UVSSA: variants seen among roughly 807,000 people sequenced by gnomAD.
UVSSA encodes the protein UV stimulated scaffold protein A.
UVSSA carries 72 observed loss-of-function variants against 73.9 expected under a neutral mutation model. The observed-to-expected ratio is 0.97, with a 90% CI of 0.81 to 1.19. The LOEUF (loss-of-function observed/expected upper bound fraction) is 1.19, where lower values mean the gene tolerates loss of function less well. Among genes scored for constraint, UVSSA ranks in the 50% most tolerant of loss-of-function variants. UVSSA has a pLI of 0.00. For missense variants in UVSSA, 1,150 were observed against 965.0 expected (o/e 1.19, Z -2.54); for synonymous variants, 454 against 391.3 (o/e 1.16, Z -1.89).
At chr4:1,388,664 C>G (rs571086532), downstream of UVSSA, 1 of 152,328 alleles carries the variant, frequency 6.6e-6, no homozygotes, top group African/African-American at 2.4e-5. Flanking sequence ...GTGTTTTTGT[C>G]ATAAAGTATT....
chr4:1,358,105 C>T (rs1315438249), intron 7 of UVSSA: 1 of 152,806 alleles, frequency 6.5e-6, no homozygotes, highest in Non-Finnish European at 1.5e-5. Flanking sequence ...AGGCAGCCAC[C>T]CTGACCCAGC....
At chr4:1,363,702 T>C (rs530962515) in intron 7 of UVSSA, among the ~76,000 whole-genome samples, 14 of 152,374 alleles carry the variant, frequency 9.2e-5, no homozygotes, top group African/African-American at 3.1e-4. Flanking sequence ...CTTGTTGTTA[T>C]TCAGACGTGA....
rs1233381671 is a variant in UVSSA, at chr4:1,376,018, C to G, written c.1434-16C>G. ...CACCAGCAGCACCGTCAGGCTGTCC[C>G]ACTCTGCTCCTGTAGCCCCTCCAGA... On this transcript the variant is annotated splice_polypyrimidine_tract_variant and intron_variant, in intron 9 of 13. Coordinates refer to ENST00000389851, the MANE Select transcript of UVSSA (RefSeq NM_020894.4). The G allele has an allele frequency of 6.3e-7, 1 of 1,582,828 alleles. No homozygotes were observed. Among genetic ancestry groups the G allele is most frequent in the Non-Finnish European group, 8.6e-7 (1 of 1,166,472 alleles).
chr4:1,378,778 C>T (rs979302616), intron 10 of UVSSA, among the ~76,000 whole-genome samples: 6 of 152,216 alleles, frequency 3.9e-5, no homozygotes, highest in African/African-American at 2.4e-5. Context: ...GCCGGGCGGT[C>T]AGGCACCCTC....
chr4:1,360,775 G>A (rs1216795891), intron 7 of UVSSA, among the ~76,000 whole-genome samples: 1 of 152,220 alleles, frequency 6.6e-6, no homozygotes, highest in Non-Finnish European at 1.5e-5. Flanking sequence ...GCAGAGCTCG[G>A]GGGCAGGAGC....
intron 8 of UVSSA, among the ~76,000 whole-genome samples, chr4:1,368,197 A>C (rs545430833): frequency 6.6e-6 from 1 of 152,230 alleles, no homozygotes; most frequent in East Asian, 1.9e-4. Context: ...GGGAGCTGGC[A>C]CTGACCCTTG....
At chr4:1,375,778 G>T (rs913799266) in intron 9 of UVSSA, among the ~76,000 whole-genome samples, 1 of 152,252 alleles carries the variant, frequency 6.6e-6, no homozygotes, top group Non-Finnish European at 1.5e-5. Flanking sequence ...CAGGGCTGGG[G>T]TTTGAGAGGC....
At chr4:1,375,580 G>A (rs926581773) in intron 9 of UVSSA, 72 bp downstream of exon 9, 55 of 1,543,890 alleles carry the variant, frequency 3.6e-5, no homozygotes, top group Middle Eastern at 4.0e-4. Context: ...AGCACTGGCC[G>A]GCCTCGAGAG....
intron 11 of UVSSA, 103 bp downstream of exon 11, chr4:1,380,333 T>C (rs1286537944): frequency 1.5e-6 from 2 of 1,374,202 alleles, no homozygotes; most frequent in Non-Finnish European, 1.9e-6. Flanking sequence ...TCAGGGTGCT[T>C]GTGAGCACTG....
intron 8 of UVSSA, among the ~76,000 whole-genome samples, chr4:1,374,318 TC>T (rs1718485793): frequency 6.6e-6 from 1 of 152,158 alleles, no homozygotes; most frequent in Non-Finnish European, 1.5e-5. Context: ...CCTCCTGCCA[TC>T]CCGACGCCTC....
In UVSSA at chr4:1,349,597, C is replaced by T. The variant is rs1282434867; in HGVS notation, c.172C>T (p.Arg58Cys). 14 of 1,614,022 alleles carry T rather than the reference C, an allele frequency of 8.7e-6. No homozygotes were observed. The highest frequency in any genetic ancestry group is 1.3e-5 in the African/African-American group (1 of 74,930). The stretch of plus-strand genomic sequence containing the variant: ...GCTGACCCAGGAGCACGCCGAGATC[C>T]GTCTCTCAGCCTTCCAGATTGTGGA... Reference protein sequence around the residue: ...AQLTQEHAEIRLSAFQIVEEL... With the variant: ...AQLTQEHAEICLSAFQIVEEL... Residue 58 changes from arginine to cysteine, a missense_variant, in exon 3 of 14, where the codon CGT (arginine) becomes TGT (cysteine). Physicochemically the swap from Arg to Cys is radical, Grantham distance 180. Transcript: ENST00000389851.
downstream of UVSSA, chr4:1,390,605 C>G (rs1394880789): frequency 3.3e-5 from 5 of 152,238 alleles, no homozygotes; most frequent in Non-Finnish European, 7.3e-5. Flanking sequence ...TCTTATTTCA[C>G]TCCATTATGG....
chr4:1,350,005 G>A (rs1714445586), intron 3 of UVSSA, 151 bp downstream of exon 3: 1 of 749,924 alleles, frequency 1.3e-6, no homozygotes, highest in Non-Finnish European at 2.1e-6. Context: ...GACCATCTGT[G>A]GGGTGTGGGA....
intron 7 of UVSSA, 124 bp downstream of exon 7, chr4:1,355,369 C>A: frequency 1.1e-6 from 1 of 952,012 alleles, no homozygotes; most frequent in Non-Finnish European, 1.6e-6. Context: ...CAAGCCCACT[C>A]AGCCTCAGCA....
At chr4:1,380,260 G>T in intron 11 of UVSSA, 30 bp downstream of exon 11, 2 of 1,596,274 alleles carry the variant, frequency 1.3e-6, no homozygotes, top group East Asian at 4.5e-5. Flanking sequence ...GCGGGGGTGG[G>T]TGTGGGCTGG....
chr4:1,395,729 T>G (rs1328319196), exon 14 of UVSSA: 3 of 1,614,274 alleles, frequency 1.9e-6, no homozygotes. Context: ...GGTGGTTCTG[T>G]AGGTTTCCTG....
At chr4:1,349,041 T>G (rs71614968) in intron 2 of UVSSA, among the ~76,000 whole-genome samples, 44,272 of 120,116 alleles carry the variant, frequency 0.37, 7,090 homozygotes, top group Non-Finnish European at 0.44. Flanking sequence ...AGGCGGTGTG[T>G]GTTTGTGCCG....
At chr4:1,349,902 G>C in intron 3 of UVSSA, 48 bp downstream of exon 3, 1 of 1,456,134 alleles carries the variant, frequency 6.9e-7, no homozygotes, top group Non-Finnish European at 9.1e-7. Context: ...CCTGACGTGA[G>C]GAGGGCAGAC....
At chr4:1,352,914 C>T (rs1333853385) in intron 4 of UVSSA, 116 bp from the exon 5 acceptor site, 11 of 1,366,868 alleles carry the variant, frequency 8.0e-6, no homozygotes, top group East Asian at 2.4e-5. Flanking sequence ...CACTGCATTC[C>T]ACCTGGTGCT....
Sources: gnomAD v4.1 joint callset for allele counts (sites outside exome capture counted in the v4.1 genomes callset) on GRCh38, gnomAD v4.1.1 for gene constraint, MANE v1.5 for transcripts, NCBI Gene and HGNC (gene_info 2026-07-23, HGNC 2026-07-21) for gene names.